The following MIER3 variants were observed in gnomAD, a reference collection of about 807,000 sequenced individuals.
The protein encoded by MIER3 is mesoderm induction early response protein 3.
A neutral mutation model predicts 63.2 loss-of-function variants in MIER3; 9 were observed. The observed-to-expected ratio is 0.14, with a 90% confidence interval of 0.09 to 0.25. The LOEUF is 0.25. Ranked by LOEUF, MIER3 falls within the 10% of genes least tolerant of loss-of-function variation. The pLI is 1.00. For missense variants in MIER3, 512 were observed against 666.2 expected (o/e 0.77, Z 2.55); for synonymous variants, 205 against 224.9 (o/e 0.91, Z 0.79).
intron 3 of MIER3, among the ~76,000 whole-genome samples, chr5:56,944,963 T>A (rs928557081): frequency 6.6e-6 from 1 of 152,122 alleles, no homozygotes; most frequent in South Asian, 2.1e-4. Flanking sequence ...TCCCAAAGTG[T>A]TGAGATTACA....
At chr5:56,950,595 G>A (rs1327363732) in intron 2 of MIER3, 33 bp downstream of exon 2, 2 of 1,612,702 alleles carry the variant, frequency 1.2e-6, no homozygotes, top group Non-Finnish European at 1.7e-6. Context: ...TACCCACTGG[G>A]AACCACCGAA....
rs1189477825 is a variant in MIER3 at position 56,952,067 on chromosome 5, C to A, written c.9+27G>T. 4 of 1,292,556 alleles carry A rather than the reference C, an allele frequency of 3.1e-6. No individual in the cohort carries two copies. The Admixed American group carries it at 9.3e-5, about 30-fold the overall frequency. 80.1% of individuals were successfully genotyped at this position (1,292,556 alleles called of 1,614,324 possible). On this transcript the variant is annotated intron_variant, in intron 1 of 12. Coordinates refer to ENST00000381199, the MANE Select transcript of MIER3 (RefSeq NM_001297599.2). The stretch of plus-strand genomic sequence containing the variant: ...CCGCCGGGCGCCCGCTCCAGCCCGG[C>A]TGCTCCTGCCCGGTTTCCCTGCTCA...
intron 9 of MIER3, among the ~76,000 whole-genome samples, chr5:56,930,298 C>G (rs1267845187): frequency 6.7e-6 from 1 of 149,980 alleles, no homozygotes; most frequent in Non-Finnish European, 1.5e-5. Flanking sequence ...CTTTTTTAAT[C>G]TTTAATCTCC....
chr5:56,949,503 A>G (rs1286988200), intron 2 of MIER3, among the ~76,000 whole-genome samples: 1 of 152,230 alleles, frequency 6.6e-6, no homozygotes, highest in Non-Finnish European at 1.5e-5. Flanking sequence ...TCCTAAAATC[A>G]GTTATAACAA....
In MIER3 at chr5:56,923,530, A is replaced by G. The variant is rs768407615; in HGVS notation, c.1251T>C (p.Asp417=). ...TGTTGCCCAGTGGAGGAAAGCTATCATCCAAACAATTCACATCTGTGGGGT... is the reference window on the plus strand; with the variant it reads ...TGTTGCCCAGTGGAGGAAAGCTATCGTCCAAACAATTCACATCTGTGGGGT... ...VCDPTDVNCL[D]DSFPPLGNTP... Residue 417 remains aspartate (D), a synonymous_variant, in exon 13 of 13, where the codon GAT becomes GAC. Transcript: ENST00000381199. 15 of 1,614,088 alleles carry G rather than the reference A, an allele frequency of 9.3e-6. No individual in the cohort carries two copies. The Admixed American group carries it at 2.0e-4, about 22-fold the overall frequency.
Position 56,923,143 on chromosome 5 carries a change from G to A in MIER3, c.1638C>T (p.Ala546=), listed in dbSNP as rs780977414. The A allele has an allele frequency of 3.0e-5, 49 of 1,613,624 alleles. No individual in the cohort carries two copies. Among genetic ancestry groups the A allele is most frequent in the East Asian group, 4.5e-5 (2 of 44,876 alleles). ...ISAHALHQHA[A]LHSE ...CTCACTCAGGTCACTCAGAGTGTAG[G>A]GCCGCGTGCTGATGCAGAGCATGGG... The change falls in exon 13 of 13, where the codon GCC becomes GCT. Residue 546 remains alanine (A), a synonymous_variant. Transcript: ENST00000381199.
rs1749578380 is a variant in MIER3, at chr5:56,919,763, T to C, written c.*3365A>G. On this transcript the variant is annotated 3_prime_UTR_variant, in exon 13 of 13. Coordinates refer to ENST00000381199, the MANE Select transcript of MIER3 (RefSeq NM_001297599.2). The stretch of plus-strand genomic sequence containing the variant: ...CTGATACTGAAACTTGTTCTGATTG[T>C]CACTAATTTATCTCATACTCACAGG... 1 of 152,624 alleles carries C rather than the reference T, an allele frequency of 6.6e-6. No individual in the cohort carries two copies. Among genetic ancestry groups the C allele is most frequent in the African/African-American group, 2.4e-5 (1 of 41,452 alleles). The allele number at this position is 152,624 out of a possible 1,614,324, so 9.5% of individuals were successfully genotyped here.
Position 56,938,911 on chromosome 5 carries a change from T to C in MIER3, c.287A>G (p.Asp96Gly), listed in dbSNP as rs1204974325. 7 of 1,614,132 alleles carry C rather than the reference T, an allele frequency of 4.3e-6. No homozygotes were observed. The highest frequency in any genetic ancestry group is 4.2e-6 in the Non-Finnish European group (5 of 1,179,984). ...GTCTAGTGTCATGTCTGGTAGTTCATCTGCCAGTTCACTTGGGGAACTATT... is the reference window on the plus strand; with the variant it reads ...GTCTAGTGTCATGTCTGGTAGTTCACCTGCCAGTTCACTTGGGGAACTATT... ...SANSSPSELADELPDMTLDKE... is the reference protein window; with the variant it reads ...SANSSPSELAGELPDMTLDKE... Residue 96 changes from aspartate (D) to glycine (G), a missense_variant, in exon 4 of 13, where the codon GAT becomes GGT. Asp to Gly is a moderately conservative substitution (Grantham distance 94). Transcript: ENST00000381199.
intron 2 of MIER3, among the ~76,000 whole-genome samples, chr5:56,947,555 C>G (rs1402144585): frequency 1.3e-5 from 2 of 152,108 alleles, no homozygotes; most frequent in African/African-American, 2.4e-5. Flanking sequence ...ACAGAAAACA[C>G]AACAAAAATC....
chr5:56,945,333 G>A (rs919204024), intron 3 of MIER3, among the ~76,000 whole-genome samples: 3 of 152,012 alleles, frequency 2.0e-5, no homozygotes, highest in African/African-American at 7.3e-5. Flanking sequence ...TGTGGTGGTG[G>A]ATGCCTGTAA....
At position 56,933,359 on chromosome 5, in the gene MIER3, A is replaced by C; in HGVS notation, c.635T>G (p.Val212Gly). 1 of 1,612,510 alleles carries C rather than the reference A, an allele frequency of 6.2e-7. No homozygotes were observed. Among genetic ancestry groups the C allele is most frequent in the Non-Finnish European group, 8.5e-7 (1 of 1,179,370 alleles). Residue 212 changes from valine (V) to glycine (G), a missense_variant, in exon 8 of 13, where the codon GTG becomes GGG. Physicochemically the swap from Val to Gly is moderately radical, Grantham distance 109. This residue lies in a region of MIER3 where 118 missense variants were observed against 133.6 expected (regional missense o/e 0.88). Transcript: ENST00000381199. ...NEDQLLWCPD[V>G]VLESKVKEYL... ...TTCCTTAACTTTGCTCTCCAAAACC[A>C]CATCAGGACACCAAAGTAACTGGTC...
At chr5:56,932,232 C>G (rs1750294739) in intron 8 of MIER3, among the ~76,000 whole-genome samples, 1 of 151,878 alleles carries the variant, frequency 6.6e-6, no homozygotes, top group South Asian at 2.1e-4. Context: ...TGCACTCCAG[C>G]CTGGGTGACA....
At chr5:56,944,254 G>A (rs748126592) in intron 3 of MIER3, among the ~76,000 whole-genome samples, 1 of 151,928 alleles carries the variant, frequency 6.6e-6, no homozygotes, top group Non-Finnish European at 1.5e-5. Context: ...GGCAGATCAC[G>A]AGGTCAGGAG....
At chr5:56,937,730 G>C in intron 4 of MIER3, 32 bp from the exon 5 acceptor site, 1 of 1,567,056 alleles carries the variant, frequency 6.4e-7, no homozygotes, top group Non-Finnish European at 8.7e-7. Context: ...GCTACAGTTA[G>C]AAATGATTAC....
intron 10 of MIER3, chr5:56,925,511 G>A: frequency 8.5e-6 from 2 of 236,396 alleles, no homozygotes; most frequent in Admixed American, 5.6e-5. Context: ...ATTTACATTA[G>A]CACCCCAAAA....
chr5:56,943,050 G>A (rs903296193), intron 3 of MIER3, among the ~76,000 whole-genome samples: 1 of 152,070 alleles, frequency 6.6e-6, no homozygotes, highest in African/African-American at 2.4e-5. Context: ...GAAGCTGAGT[G>A]GGGGAAAACT....
At position 56,923,749 on chromosome 5, in the gene MIER3, C is replaced by T; in HGVS notation, c.1137G>A (p.Glu379=). 6.2e-7 allele frequency: 1 copy of T among 1,614,176 alleles called. No homozygotes were observed. The highest frequency in any genetic ancestry group is 8.5e-7 in the Non-Finnish European group (1 of 1,180,024). Reference sequence around the variant, plus strand: ...TGTTTAGCTGTTGATCAGGAATAGGCTCAGGCCGGTTAGAAGTTAAGGCTG... The same window carrying T: ...TGTTTAGCTGTTGATCAGGAATAGGTTCAGGCCGGTTAGAAGTTAAGGCTG... ...NASALTSNRP[E]PIPDQQLNIL... is the part of the protein sequence containing the mutation. Residue 379 remains glutamate, a synonymous_variant, in exon 12 of 13, where the codon GAG becomes GAA. Coordinates refer to ENST00000381199, the MANE Select transcript of MIER3 (RefSeq NM_001297599.2).
chr5:56,945,238 G>A (rs1750788547), intron 3 of MIER3, among the ~76,000 whole-genome samples: 1 of 152,058 alleles, frequency 6.6e-6, no homozygotes, highest in East Asian at 1.9e-4. Flanking sequence ...CGAGGCAGGT[G>A]GACTGCCTGA....
At chr5:56,951,634 G>A (rs1286217529) in intron 1 of MIER3, among the ~76,000 whole-genome samples, 1 of 151,718 alleles carries the variant, frequency 6.6e-6, no homozygotes, top group African/African-American at 2.4e-5. Flanking sequence ...TGGGCCGGGG[G>A]CACAGCGCAC....
Sources: gnomAD v4.1 joint callset for allele counts (sites outside exome capture counted in the v4.1 genomes callset) on GRCh38, gnomAD v4.1.1 for gene constraint, gnomAD v4.1.1 regional missense constraint, MANE v1.5 for transcripts, NCBI Gene and HGNC (gene_info 2026-07-23, HGNC 2026-07-21) for gene names.